SMARCA1: variants seen among roughly 807,000 people sequenced by gnomAD.
SMARCA1 encodes SNF2 related chromatin remodeling ATPase 1.
Under a neutral mutation model 93.6 loss-of-function variants are expected in SMARCA1, and 17 were observed. The observed-to-expected ratio is 0.18, with a 90% CI of 0.12 to 0.27. SMARCA1 has a LOEUF of 0.27. Ranked by LOEUF, SMARCA1 falls within the 10% of genes least tolerant of loss-of-function variation. The pLI, the probability that SMARCA1 is intolerant of heterozygous loss-of-function variation, is 1.00. For synonymous variants in SMARCA1, 271 were observed against 271.4 expected, an observed-to-expected ratio of 1.00 and a Z score of 0.01; for missense variants, 630 against 819.0, an observed-to-expected ratio of 0.77 and a Z score of 2.82.
chrX:129,473,347 T>C (rs776436152), intron 19 of SMARCA1, among the ~76,000 whole-genome samples: 1 of 111,827 alleles, frequency 8.9e-6, no homozygotes, highest in Non-Finnish European at 1.9e-5. Flanking sequence ...GGAAAAGGTG[T>C]ACATTTAAAA....
intron 6 of SMARCA1, among the ~76,000 whole-genome samples, chrX:129,508,323 G>T (rs1008303097): frequency 1.8e-5 from 2 of 111,671 alleles, no homozygotes; most frequent in African/African-American, 3.3e-5. Context: ...AGAAACAAAG[G>T]CTTCCCTTAC....
chrX:129,458,782 C>T (rs1932750756), intron 23 of SMARCA1, among the ~76,000 whole-genome samples: 1 of 112,279 alleles, frequency 8.9e-6, no homozygotes, highest in Admixed American at 9.4e-5. Context: ...CAAGGGCACA[C>T]AAAAAACTCC....
intron 1 of SMARCA1, among the ~76,000 whole-genome samples, chrX:129,519,504 A>G (rs5977099): frequency 0.15 from 16,821 of 111,071 alleles, 1,075 homozygotes; most frequent in East Asian, 0.29. Context: ...GGCCCCCATT[A>G]TGTCTTCCAA....
At chrX:129,519,339 A>C (rs1935310308) in intron 1 of SMARCA1, among the ~76,000 whole-genome samples, 2 of 111,878 alleles carry the variant, frequency 1.8e-5, no homozygotes, top group East Asian at 5.5e-4. Context: ...TCTACCCACC[A>C]GAACCAAAGA....
intron 2 of SMARCA1, among the ~76,000 whole-genome samples, 190 bp from the exon 3 acceptor site, chrX:129,516,687 G>GT (rs1461859575): frequency 2.7e-5 from 3 of 111,565 alleles, no homozygotes; most frequent in Non-Finnish European, 3.8e-5. Flanking sequence ...CACAGAGAGG[G>GT]TAAGTAATTT....
chrX:129,518,136 A>C (rs1935267420), intron 2 of SMARCA1, among the ~76,000 whole-genome samples: 1 of 111,723 alleles, frequency 9.0e-6, no homozygotes, highest in Non-Finnish European at 1.9e-5. Flanking sequence ...TCTAGTCCTA[A>C]CTATGACATA....
At chrX:129,483,121 C>T (rs1055519374) in intron 17 of SMARCA1, among the ~76,000 whole-genome samples, 1 of 112,352 alleles carries the variant, frequency 8.9e-6, no homozygotes, top group Non-Finnish European at 1.9e-5. Flanking sequence ...TAGATGGCTA[C>T]TCAATATAAT....
Position 129,523,376 on chromosome X carries a change from G to A in SMARCA1, c.-6C>T, listed in dbSNP as rs757765079. 4 of 1,160,009 alleles carry A rather than the reference G, an allele frequency of 3.4e-6. No homozygotes were observed. Among genetic ancestry groups the A allele is most frequent in the Non-Finnish European group, 4.6e-6 (4 of 872,415 alleles). ...GCGGCAGTGTCCTGCTCCATGCCGT[G>A]GGAGCGGGAACGAGTAGGGGGACAA... On this transcript the variant is annotated 5_prime_UTR_variant, in exon 1 of 25. Coordinates refer to ENST00000371121, the MANE Select transcript of SMARCA1 (RefSeq NM_001282874.2).
At chrX:129,474,104 C>A (rs745672075) in intron 19 of SMARCA1, among the ~76,000 whole-genome samples, 1 of 111,193 alleles carries the variant, frequency 9.0e-6, no homozygotes, top group South Asian at 3.8e-4. Flanking sequence ...ATGGAAAAAT[C>A]GGTGAAAAAG....
chrX:129,467,144 G>T (rs1932935551), intron 21 of SMARCA1, among the ~76,000 whole-genome samples: 1 of 111,659 alleles, frequency 9.0e-6, no homozygotes, highest in Admixed American at 9.5e-5. Flanking sequence ...GTATATTCAT[G>T]GGTGGTCAAT....
In SMARCA1 at chrX:129,515,895, T is replaced by G; in HGVS notation, c.528A>C (p.Ser176=). The change falls in exon 4 of 25, where the codon TCA becomes TCC. Residue 176 remains serine (S), a splice_region_variant and synonymous_variant. Transcript: ENST00000371121. ...TCACCAATGTGATGAAGTACTTACA[T>G]GAAGGTGACACCTCAAATCTAATAC... ...NVCIRFEVSP[S]YVKGGPLRDY... The G allele has an allele frequency of 8.4e-7, 1 of 1,188,980 alleles. No homozygotes were observed. Among genetic ancestry groups the G allele is most frequent in the Non-Finnish European group, 1.1e-6 (1 of 874,876 alleles).
chrX:129,450,599 T>C (rs755086132), intron 23 of SMARCA1, among the ~76,000 whole-genome samples: 1 of 111,976 alleles, frequency 8.9e-6, no homozygotes, highest in African/African-American at 3.2e-5. Flanking sequence ...AAACAATGTT[T>C]AGAGCAGTGT....
intron 23 of SMARCA1, among the ~76,000 whole-genome samples, chrX:129,456,920 A>C (rs1261580922): frequency 1.8e-5 from 2 of 112,487 alleles, no homozygotes; most frequent in Non-Finnish European, 3.8e-5. Flanking sequence ...TTAGTTAATA[A>C]AGCTTTGGCA....
At chrX:129,515,558 A>G (rs1400485710) in intron 5 of SMARCA1, 129 bp downstream of exon 5, 2 of 497,756 alleles carry the variant, frequency 4.0e-6, no homozygotes, top group Admixed American at 3.3e-5. Context: ...AGACTACAAA[A>G]TACCTTTTAC....
chrX:129,474,159 A>G (rs1188270598), intron 19 of SMARCA1, among the ~76,000 whole-genome samples: 3 of 111,940 alleles, frequency 2.7e-5, no homozygotes, highest in Non-Finnish European at 5.6e-5. Context: ...TGGGGTATAT[A>G]TGGGTGTTCA....
intron 12 of SMARCA1, among the ~76,000 whole-genome samples, chrX:129,495,349 C>T (rs1934280314): frequency 9.0e-6 from 1 of 111,690 alleles, no homozygotes; most frequent in Non-Finnish European, 1.9e-5. Context: ...TTGGTGATGT[C>T]TTTGTGACCA....
chrX:129,476,074 G>C (rs746687909), intron 19 of SMARCA1, among the ~76,000 whole-genome samples: 1 of 112,132 alleles, frequency 8.9e-6, no homozygotes, highest in African/African-American at 3.3e-5. Flanking sequence ...TCAATGGAAC[G>C]TCCAGATATT....
intron 19 of SMARCA1, among the ~76,000 whole-genome samples, chrX:129,476,714 A>T (rs1370258337): frequency 2.7e-5 from 3 of 112,203 alleles, no homozygotes; most frequent in Non-Finnish European, 5.6e-5. Context: ...AGGATAAACT[A>T]GTGCTCTATT....
In SMARCA1 at chrX:129,523,240, G is replaced by C. The variant is rs767398403; in HGVS notation, c.131C>G (p.Thr44Ser). Reference protein sequence around the residue: ...SQEEGAAAAATEATAATEKGE... With the variant: ...SQEEGAAAAASEATAATEKGE... ...CTTCTCCGTGGCCGCGGTGGCTTCGGTGGCCGCGGCGGCCGCTCCCTCCTC... is the reference window on the plus strand; with the variant it reads ...CTTCTCCGTGGCCGCGGTGGCTTCGCTGGCCGCGGCGGCCGCTCCCTCCTC... The change falls in exon 1 of 25, where the codon ACC becomes AGC. Residue 44 changes from threonine to serine, a missense_variant. This residue lies in a region of SMARCA1 where 103 missense variants were observed against 82.0 expected (regional missense o/e 1.26). Transcript: ENST00000371121. 8.3e-7 allele frequency: 1 copy of C among 1,210,956 alleles called. No individual in the cohort carries two copies. Among genetic ancestry groups the C allele is most frequent in the East Asian group, 3.0e-5 (1 of 33,776 alleles).
Sources: gnomAD v4.1 joint callset for allele counts (sites outside exome capture counted in the v4.1 genomes callset) on GRCh38, gnomAD v4.1.1 for gene constraint, gnomAD v4.1.1 regional missense constraint, MANE v1.5 for transcripts, NCBI Gene and HGNC (gene_info 2026-07-23, HGNC 2026-07-21) for gene names.